The following PRIM2 variants were observed in gnomAD, a reference collection of about 807,000 sequenced individuals.
The protein encoded by PRIM2 is DNA primase large subunit.
In PRIM2, 39 loss-of-function variants were observed where a neutral mutation model predicts 67.3. The observed-to-expected ratio is 0.58, with a 90% confidence interval of 0.45 to 0.76. PRIM2 has a LOEUF of 0.76. Ranked by LOEUF, PRIM2 falls within the 30% of genes least tolerant of loss-of-function variation. The pLI, the probability that PRIM2 is intolerant of heterozygous loss-of-function variation, is 0.00. For missense variants in PRIM2, 398 were observed against 598.7 expected (o/e 0.66, Z 3.50); for synonymous variants, 143 against 198.7 (o/e 0.72, Z 2.36).
intron 10 of PRIM2, among the ~76,000 whole-genome samples, chr6:57,565,821 A>C (rs1331578158): frequency 1.3e-5 from 2 of 152,368 alleles, no homozygotes; most frequent in East Asian, 3.9e-4. Flanking sequence ...ACACTTTCTT[A>C]CATAATTTTA....
intron 5 of PRIM2, among the ~76,000 whole-genome samples, chr6:57,341,136 C>T (rs922899421): frequency 2.6e-5 from 4 of 152,062 alleles, no homozygotes; most frequent in African/African-American, 9.7e-5. Context: ...GTATACATCC[C>T]AGTGTGGTGT....
At chr6:57,516,287 A>G (rs1189757343) in intron 8 of PRIM2, among the ~76,000 whole-genome samples, 2 of 152,196 alleles carry the variant, frequency 1.3e-5, no homozygotes, top group South Asian at 4.1e-4. Flanking sequence ...GAATTAGAGC[A>G]TATGTGGAGG....
At chr6:57,246,433 T>A in the PRIM2 span, among the ~76,000 whole-genome samples, 1 of 152,200 alleles carries the variant, frequency 6.6e-6, no homozygotes, top group Admixed American at 6.5e-5. Flanking sequence ...AGTTTTGTTT[T>A]GGCCCAACTC....
intron 7 of PRIM2, among the ~76,000 whole-genome samples, chr6:57,443,543 T>G (rs1772268941): frequency 6.6e-6 from 1 of 152,242 alleles, no homozygotes; most frequent in African/African-American, 2.4e-5. Context: ...TTTGGCCATT[T>G]GCGTGTCTGC....
intron 7 of PRIM2, 40 bp downstream of exon 7, chr6:57,382,208 A>C: frequency 6.2e-7 from 1 of 1,600,156 alleles, no homozygotes; most frequent in Non-Finnish European, 8.5e-7. Context: ...ACATGTTCAC[A>C]CTTTCAGTTA....
chr6:57,294,545 A>G, the PRIM2 span, among the ~76,000 whole-genome samples: 1 of 151,954 alleles, frequency 6.6e-6, no homozygotes, highest in African/African-American at 2.4e-5. Flanking sequence ...TAGTATGATT[A>G]CAAGTGCATG....
intron 7 of PRIM2, among the ~76,000 whole-genome samples, chr6:57,489,535 C>A (rs1352973556): frequency 2.7e-5 from 4 of 149,972 alleles, no homozygotes; most frequent in Non-Finnish European, 5.9e-5. Flanking sequence ...CCAGCCTGGG[C>A]GACAGAGTGA....
chr6:57,576,835 AT>A (rs1775972235), intron 10 of PRIM2, among the ~76,000 whole-genome samples: 2 of 150,608 alleles, frequency 1.3e-5, no homozygotes, highest in African/African-American at 4.9e-5. Flanking sequence ...TTCCCCTCTT[AT>A]CTGTTTTAGG....
the PRIM2 span, among the ~76,000 whole-genome samples, chr6:57,269,321 C>A: frequency 2.4e-3 from 372 of 152,128 alleles, 1 homozygote; most frequent in African/African-American, 8.5e-3. Context: ...TTAATGATCG[C>A]CATTCTAACT....
the PRIM2 span, among the ~76,000 whole-genome samples, chr6:57,290,719 A>G: frequency 6.6e-6 from 1 of 152,208 alleles, no homozygotes; most frequent in Admixed American, 6.5e-5. Context: ...ACACAACTAC[A>G]TGGAAACTGA....
chr6:57,356,103 G>C (rs1199710740), intron 5 of PRIM2, among the ~76,000 whole-genome samples: 1 of 152,194 alleles, frequency 6.6e-6, no homozygotes, highest in African/African-American at 2.4e-5. Context: ...AGTAGGATGA[G>C]AGCGTGCTGT....
At chr6:57,500,431 A>G (rs1717654877) in intron 7 of PRIM2, among the ~76,000 whole-genome samples, 1 of 152,248 alleles carries the variant, frequency 6.6e-6, no homozygotes, top group African/African-American at 2.4e-5. Context: ...TTGTCAACCT[A>G]AAATAATCAA....
intron 7 of PRIM2, among the ~76,000 whole-genome samples, chr6:57,474,552 A>G (rs1423669637): frequency 3.3e-5 from 5 of 152,140 alleles, no homozygotes; most frequent in African/African-American, 1.2e-4. Context: ...GCCATTTTAA[A>G]TTTGAATATA....
intron 7 of PRIM2, among the ~76,000 whole-genome samples, chr6:57,401,973 T>C (rs1770723375): frequency 6.6e-6 from 1 of 152,186 alleles, no homozygotes; most frequent in Non-Finnish European, 1.5e-5. Context: ...AGGCTTTCAG[T>C]TGCCCCTGGT....
chr6:57,256,056 G>A, the PRIM2 span, among the ~76,000 whole-genome samples: 1 of 151,432 alleles, frequency 6.6e-6, no homozygotes, highest in Non-Finnish European at 1.5e-5. Context: ...CACATTAGAT[G>A]TACAAGCATA....
the PRIM2 span, among the ~76,000 whole-genome samples, chr6:57,237,400 G>C: frequency 2.6e-5 from 4 of 152,118 alleles, no homozygotes; most frequent in African/African-American, 9.7e-5. Flanking sequence ...CTTTTGCTGT[G>C]CAGAAGCTCT....
chr6:57,525,205 A>G (rs2127465687), intron 8 of PRIM2, among the ~76,000 whole-genome samples: 1 of 152,250 alleles, frequency 6.6e-6, no homozygotes, highest in South Asian at 2.1e-4. Context: ...TCCTAAGAAA[A>G]AGACTTTATT....
chr6:57,636,224 A>G (rs1244439889), intron 13 of PRIM2, among the ~76,000 whole-genome samples: 1 of 152,228 alleles, frequency 6.6e-6, no homozygotes, highest in Non-Finnish European at 1.5e-5. Context: ...GAGTCACAGT[A>G]GACAAAGTCA....
chr6:57,255,805 A>C, the PRIM2 span, among the ~76,000 whole-genome samples: 392 of 152,308 alleles, frequency 2.6e-3, 3 homozygotes, highest in African/African-American at 9.0e-3. Flanking sequence ...TGAATAAGAC[A>C]CTACTAGACT....
Sources: gnomAD v4.1 joint callset for allele counts (sites outside exome capture counted in the v4.1 genomes callset) on GRCh38, gnomAD v4.1.1 for gene constraint, MANE v1.5 for transcripts, NCBI Gene and HGNC (gene_info 2026-07-23, HGNC 2026-07-21) for gene names.